Variants in CDC20B observed in about 807,000 individuals in gnomAD.
The protein encoded by CDC20B is cell division cycle protein 20 homolog B.
A neutral mutation model predicts 64.1 loss-of-function variants in CDC20B; 58 were observed. That is an observed-to-expected ratio of 0.90 (90% CI 0.73 to 1.13). The LOEUF (loss-of-function observed/expected upper bound fraction) is 1.13. Among genes scored for constraint, CDC20B ranks in the 50% most tolerant of loss-of-function variants. The pLI is 0.00. For synonymous variants in CDC20B, 243 were observed against 230.6 expected, an observed-to-expected ratio of 1.05 and a Z score of -0.49; for missense variants, 597 against 633.0, an observed-to-expected ratio of 0.94 and a Z score of 0.61.
chr5:55,150,368 T>C (rs1044392953), intron 2 of CDC20B, among the ~76,000 whole-genome samples: 10 of 152,204 alleles, frequency 6.6e-5, no homozygotes, highest in Admixed American at 6.5e-4. Context: ...GTTGAAGCAG[T>C]AAGCATTGGT....
At chr5:55,117,836 C>T (rs1043723764) in intron 11 of CDC20B, among the ~76,000 whole-genome samples, 1 of 152,124 alleles carries the variant, frequency 6.6e-6, no homozygotes, top group Non-Finnish European at 1.5e-5. Flanking sequence ...AAACAGTGGC[C>T]AGGCATGGTG....
chr5:55,150,336 T>C (rs1743627351), intron 2 of CDC20B, among the ~76,000 whole-genome samples: 1 of 152,060 alleles, frequency 6.6e-6, no homozygotes, highest in Non-Finnish European at 1.5e-5. Context: ...AAATGAAAGA[T>C]AGGAAGGGAA....
At chr5:55,119,214 G>A (rs7702771) in intron 11 of CDC20B, among the ~76,000 whole-genome samples, 4,249 of 152,208 alleles carry the variant, frequency 0.028, 172 homozygotes, top group African/African-American at 0.096. Flanking sequence ...CTGGGTAGAG[G>A]AGATACTCTA....
chr5:55,146,795 G>C lies in CDC20B; in HGVS notation c.188C>G (p.Ser63Cys), dbSNP rs940180421. ...DFKSNFAKRL[S>C]AEVPVASSPI... ...GCTACTCGCAACAGGAACCTCTGCGGACAGCCTCTTCGCAAAGTTGCTCTT... is the reference window on the plus strand; with the variant it reads ...GCTACTCGCAACAGGAACCTCTGCGCACAGCCTCTTCGCAAAGTTGCTCTT... Residue 63 changes from serine to cysteine, a missense_variant, in exon 3 of 12, where the codon TCC (serine) becomes TGC (cysteine). Ser to Cys is a moderately radical substitution (Grantham distance 112, BLOSUM62 -1). Around this residue, in one of 3 missense-constraint regions of CDC20B, gnomAD observed 241 missense variants for 219.2 expected, o/e 1.10. Transcript: ENST00000381375. The C allele has an allele frequency of 8.7e-6, 14 of 1,614,130 alleles. No individual in the cohort carries two copies. Among genetic ancestry groups the C allele is most frequent in the Non-Finnish European group, 1.0e-5 (12 of 1,180,016 alleles).
chr5:55,142,366 T>C (rs1461223607), intron 4 of CDC20B, among the ~76,000 whole-genome samples: 1 of 152,106 alleles, frequency 6.6e-6, no homozygotes, highest in Non-Finnish European at 1.5e-5. Context: ...CTTAACACCA[T>C]AGAACAGCTT....
chr5:55,125,818 T>C (rs778012905), intron 8 of CDC20B, among the ~76,000 whole-genome samples: 7 of 152,368 alleles, frequency 4.6e-5, no homozygotes, highest in Non-Finnish European at 4.4e-5. Context: ...CAATATGGGC[T>C]CTGGAGCCAG....
intron 11 of CDC20B, among the ~76,000 whole-genome samples, chr5:55,117,087 T>C (rs905946443): frequency 2.0e-5 from 3 of 152,216 alleles, no homozygotes; most frequent in Non-Finnish European, 4.4e-5. Flanking sequence ...CACATATTGA[T>C]ACATGGAATG....
rs543962988 is a variant in CDC20B, at chr5:55,164,340, C to T, written c.126+8248G>A. On this transcript the variant is annotated intron_variant, in intron 2 of 11. Transcript: ENST00000381375. ...TCACCCAGGCTGGAGTGCAGTAGTG[C>T]GTTCTCAGCTCATTGCAACCTCTGC... 21 of 550,040 alleles carry T rather than the reference C, an allele frequency of 3.8e-5. No homozygotes were observed. The South Asian group carries it at 9.9e-4, about 26-fold the overall frequency. 34.1% of individuals were successfully genotyped at this position (550,040 alleles called of 1,614,324 possible). A position where few individuals can be genotyped will look rare whatever the true frequency, so the allele number is the denominator to read the frequency against.
intron 2 of CDC20B, chr5:55,166,519 T>C (rs1399250343): frequency 6.6e-6 from 1 of 152,188 alleles, no homozygotes; most frequent in Non-Finnish European, 1.5e-5. Flanking sequence ...CTGTAACAAT[T>C]AGGCTATGTG....
chr5:55,160,876 A>T, intron 2 of CDC20B: 1 of 1,109,852 alleles, frequency 9.0e-7, no homozygotes, highest in East Asian at 2.6e-5. Flanking sequence ...AAAATATGAA[A>T]AAAACATCAA....
chr5:55,125,882 G>C (rs2111817335), intron 8 of CDC20B, among the ~76,000 whole-genome samples: 1 of 152,336 alleles, frequency 6.6e-6, no homozygotes, highest in South Asian at 2.1e-4. Flanking sequence ...CTTCAGGCTA[G>C]TGTCTTAGTT....
chr5:55,159,209 G>A (rs1034093070), intron 2 of CDC20B, among the ~76,000 whole-genome samples: 3 of 152,082 alleles, frequency 2.0e-5, no homozygotes, highest in Non-Finnish European at 4.4e-5. Context: ...AGAGACAGGG[G>A]TATCGCTTTC....
intron 5 of CDC20B, chr5:55,136,605 C>T (rs1423030220): frequency 6.6e-6 from 1 of 151,796 alleles, no homozygotes; most frequent in East Asian, 1.9e-4. Flanking sequence ...TAGAAGTCTA[C>T]TTTAGCATTG....
At position 55,115,830 on chromosome 5, in the gene CDC20B, A is replaced by C. The variant is rs115993370; in HGVS notation, c.1460-1512T>G. On this transcript the variant is annotated intron_variant, in intron 11 of 11. Transcript: ENST00000381375. ...ATTTGAGATGCTTATTCTTCTACACACATCACTCCCAACACTCTCCTTTGT... is the reference window on the plus strand; with the variant it reads ...ATTTGAGATGCTTATTCTTCTACACCCATCACTCCCAACACTCTCCTTTGT... Among the ~76,000 whole-genome samples, 368 of 152,292 alleles carry C rather than the reference A, an allele frequency of 2.4e-3. 2 individuals carry two copies. The highest frequency in any genetic ancestry group is 8.4e-3 in the African/African-American group (347 of 41,554).
In CDC20B at chr5:55,114,324, G is replaced by GCTGCT; in HGVS notation, c.1460-7_1460-6insAGCAG. On this transcript the variant is annotated splice_region_variant and splice_polypyrimidine_tract_variant and intron_variant, in intron 11 of 11. Coordinates refer to ENST00000381375, the MANE Select transcript of CDC20B (RefSeq NM_001170402.1). The surrounding 1 kb of genome is among the most constrained non-coding windows in gnomAD (Gnocchi z 4.1). Reference sequence around the variant, plus strand: ...CAGCACTCTGCCCCTGTGGCCTGGGGGAAGAAGGAAAGACAGTTCATACTC... The same window carrying GCTGCT: ...CAGCACTCTGCCCCTGTGGCCTGGGGCTGCTGAAGAAGGAAAGACAGTTCATACTC... The GCTGCT allele has an allele frequency of 6.2e-7, 1 of 1,613,286 alleles. No individual in the cohort carries two copies. The highest frequency in any genetic ancestry group is 1.1e-5 in the South Asian group (1 of 90,958).
At chr5:55,123,945 A>C (rs541523126) in intron 9 of CDC20B, among the ~76,000 whole-genome samples, 1 of 152,292 alleles carries the variant, frequency 6.6e-6, no homozygotes, top group African/African-American at 2.4e-5. Context: ...AAGCCCTGTA[A>C]TAACTTTTAA....
intron 4 of CDC20B, among the ~76,000 whole-genome samples, chr5:55,141,498 G>A (rs1036912490): frequency 5.9e-5 from 9 of 152,180 alleles, no homozygotes; most frequent in Non-Finnish European, 8.8e-5. Flanking sequence ...GCTTCTCTAT[G>A]TTGTGTCTAC....
intron 11 of CDC20B, among the ~76,000 whole-genome samples, chr5:55,118,145 AAAG>A (rs1742667756): frequency 2.6e-5 from 4 of 152,294 alleles, no homozygotes; most frequent in South Asian, 4.1e-4. Context: ...AAGAAAAAGA[AAAG>A]AAGAAGAAAA....
At chr5:55,120,654 TCA>T (rs1301216691) in intron 9 of CDC20B, 104 bp from the exon 10 acceptor site, 1 of 1,362,946 alleles carries the variant, frequency 7.3e-7, no homozygotes, top group Non-Finnish European at 1.0e-6. Context: ...TCTGCACCTG[TCA>T]CAGCTCTCCT....
Sources: allele counts gnomAD v4.1 joint callset (sites outside exome capture counted in the v4.1 genomes callset), GRCh38; gene constraint gnomAD v4.1.1; regional missense constraint gnomAD v4.1.1; non-coding constraint Gnocchi (gnomAD v3.1); transcripts MANE v1.5; gene names NCBI Gene and HGNC (gene_info 2026-07-23, HGNC 2026-07-21).